SYNPO2: variants seen among roughly 807,000 people sequenced by gnomAD.
The protein encoded by SYNPO2 is synaptopodin-2.
SYNPO2 carries 56 observed loss-of-function variants against 85.0 expected under a neutral mutation model. The ratio of observed to expected loss-of-function variants is 0.66; its 90% CI spans 0.53 to 0.82. The LOEUF (loss-of-function observed/expected upper bound fraction) is 0.82. Among genes scored for constraint, SYNPO2 ranks in the 40% least tolerant of loss-of-function variants. The probability of loss-of-function intolerance (pLI) is 0.00; values close to 1 mark genes in which losing one functional copy is unlikely to be tolerated. For missense variants in SYNPO2, 1,575 were observed against 1,534.2 expected (o/e 1.03, Z -0.44); for synonymous variants, 602 against 591.1 (o/e 1.02, Z -0.27).
At chr4:119,001,824 A>T (rs1406062712) in intron 1 of SYNPO2, among the ~76,000 whole-genome samples, 1 of 151,202 alleles carries the variant, frequency 6.6e-6, no homozygotes, top group Non-Finnish European at 1.5e-5. Flanking sequence ...TTTTCTTCTT[A>T]TTTCTAAAAT....
chr4:118,877,667 AC>A (rs1731953942), intron 1 of SYNPO2, among the ~76,000 whole-genome samples: 2 of 152,202 alleles, frequency 1.3e-5, no homozygotes, highest in East Asian at 3.8e-4. Flanking sequence ...ACTATCTCAC[AC>A]CAGTCAGAAT....
chr4:118,860,068 G>A (rs1731582340), intron 1 of SYNPO2, among the ~76,000 whole-genome samples: 1 of 152,056 alleles, frequency 6.6e-6, no homozygotes, highest in African/African-American at 2.4e-5. Context: ...CCATATCCTT[G>A]TCAGCATTTG....
intron 1 of SYNPO2, among the ~76,000 whole-genome samples, chr4:118,996,856 C>CA (rs34947994): frequency 0.033 from 2,398 of 71,710 alleles, 45 homozygotes; most frequent in African/African-American, 0.064. Flanking sequence ...GACTCTGTCT[C>CA]AAAAAAAAAA....
rs1282457462 is a variant in SYNPO2, at chr4:119,031,113, T to A, written c.2338T>A (p.Trp780Arg). 1.2e-6 allele frequency: 2 copies of A among 1,614,104 alleles called. No homozygotes were observed. The highest frequency in any genetic ancestry group is 1.7e-6 in the Non-Finnish European group (2 of 1,180,020). ...ACCAGTAACTCCAGTTTCCCCAGTC[T>A]GGTCTCCAGGAGTGGCTCCCACCCA... is the stretch of plus-strand genomic sequence containing the variant. ...SQPVTPVSPV[W>R]SPGVAPTQPP... Residue 780 changes from tryptophan to arginine, a missense_variant, in exon 4 of 5, where the codon TGG becomes AGG. This residue lies in a region of SYNPO2 where 1,508 missense variants were observed against 1,446.8 expected (regional missense o/e 1.04). Transcript: ENST00000307142.
At chr4:118,936,186 T>A (rs1289206765) in intron 1 of SYNPO2, among the ~76,000 whole-genome samples, 1 of 152,214 alleles carries the variant, frequency 6.6e-6, no homozygotes, top group Non-Finnish European at 1.5e-5. Flanking sequence ...CTTTGCCATA[T>A]AACGTAGGTG....
intron 1 of SYNPO2, among the ~76,000 whole-genome samples, chr4:118,945,383 C>T (rs924602925): frequency 1.3e-5 from 2 of 152,160 alleles, no homozygotes; most frequent in East Asian, 1.9e-4. Flanking sequence ...TAACCCTTTG[C>T]AAATGCCCCC....
intron 1 of SYNPO2, among the ~76,000 whole-genome samples, chr4:119,022,756 T>TA: frequency 2.8e-5 from 4 of 145,136 alleles, no homozygotes; most frequent in Non-Finnish European, 4.5e-5. Flanking sequence ...TATTTTATTT[T>TA]ATTTTATATT....
chr4:118,964,420 G>C (rs1053686551), intron 1 of SYNPO2, among the ~76,000 whole-genome samples: 5 of 151,882 alleles, frequency 3.3e-5, no homozygotes, highest in African/African-American at 7.3e-5. Flanking sequence ...AGCCTGGGAG[G>C]TAGAGGCTGC....
At chr4:119,003,722 A>G (rs1345774999) in intron 1 of SYNPO2, among the ~76,000 whole-genome samples, 2 of 152,010 alleles carry the variant, frequency 1.3e-5, no homozygotes, top group African/African-American at 4.8e-5. Flanking sequence ...TTTCCTTTAG[A>G]TTAGAACTGA....
At chr4:118,927,226 T>G (rs1235747237) in intron 1 of SYNPO2, among the ~76,000 whole-genome samples, 1 of 152,168 alleles carries the variant, frequency 6.6e-6, no homozygotes, top group African/African-American at 2.4e-5. Flanking sequence ...AGAGGCAAGA[T>G]GAAATTTCTG....
intron 1 of SYNPO2, among the ~76,000 whole-genome samples, chr4:118,956,326 G>A (rs1734873544): frequency 6.6e-6 from 1 of 152,168 alleles, no homozygotes; most frequent in African/African-American, 2.4e-5. Context: ...GATAGCATAA[G>A]CTTCATGGGT....
Position 119,027,069 on chromosome 4 carries a change from T to G in SYNPO2, c.700T>G (p.Ser234Ala), listed in dbSNP as rs1737990906. The G allele has an allele frequency of 6.2e-7, 1 of 1,614,078 alleles. No homozygotes were observed. The highest frequency in any genetic ancestry group is 1.1e-5 in the South Asian group (1 of 91,070). ...GTCTCCTGACCCAGACCCTAACTTG[T>G]CACATGACAGGATTGTCCACATAAA... ...SKSPDPDPNL[S>A]HDRIVHINSI... is the part of the protein sequence containing the mutation. The change falls in exon 3 of 5, where the codon TCA becomes GCA. Residue 234 changes from serine to alanine, a missense_variant. Physicochemically the swap from Ser to Ala is moderately conservative, Grantham distance 99. This residue lies in a region of SYNPO2 where 1,508 missense variants were observed against 1,446.8 expected (regional missense o/e 1.04). Coordinates refer to ENST00000307142, the MANE Select transcript of SYNPO2 (RefSeq NM_133477.3).
At chr4:119,016,371 T>A (rs1441903823) in intron 1 of SYNPO2, among the ~76,000 whole-genome samples, 2 of 150,522 alleles carry the variant, frequency 1.3e-5, no homozygotes, top group Non-Finnish European at 2.9e-5. Flanking sequence ...GAGCAGAGAT[T>A]GTGCCATTGC....
intron 1 of SYNPO2, among the ~76,000 whole-genome samples, chr4:119,008,356 GTGAATGAATGAATACCTTCAAAAC>G (rs1737159368): frequency 6.6e-6 from 1 of 151,978 alleles, no homozygotes; most frequent in African/African-American, 2.4e-5. Context: ...TCAGTACTAA[GTGAATGAATGAATACCTTCAAAAC>G]TGAGGTGAAA....
At chr4:118,923,037 T>C (rs1264092159) in intron 1 of SYNPO2, among the ~76,000 whole-genome samples, 3 of 152,180 alleles carry the variant, frequency 2.0e-5, no homozygotes, top group Admixed American at 1.3e-4. Context: ...AAAGGAACTG[T>C]GGTTTCTTGC....
chr4:118,929,842 C>T (rs964981860), intron 1 of SYNPO2, among the ~76,000 whole-genome samples: 5 of 152,182 alleles, frequency 3.3e-5, no homozygotes, highest in Middle Eastern at 3.4e-3. Flanking sequence ...TGGATGCATA[C>T]ATTTGGTTTC....
intron 4 of SYNPO2, chr4:119,032,426 G>A (rs1008917239): frequency 4.8e-5 from 53 of 1,114,320 alleles, no homozygotes; most frequent in Non-Finnish European, 5.5e-5. Context: ...TATGGTGAAA[G>A]GTTCAAATGT....
chr4:118,985,406 T>C (rs2149165068), intron 1 of SYNPO2, among the ~76,000 whole-genome samples: 1 of 152,350 alleles, frequency 6.6e-6, no homozygotes, highest in Non-Finnish European at 1.5e-5. Flanking sequence ...GGAAGCTGTC[T>C]GGTGCTGGCA....
intron 4 of SYNPO2, chr4:119,038,176 T>A (rs551413356): frequency 1.0e-6 from 1 of 985,412 alleles, no homozygotes; most frequent in East Asian, 1.1e-4. Flanking sequence ...TTTCACTCCC[T>A]GAGACTGCTT....
Sources: gnomAD v4.1 joint callset for allele counts (sites outside exome capture counted in the v4.1 genomes callset) on GRCh38, gnomAD v4.1.1 for gene constraint, gnomAD v4.1.1 regional missense constraint, MANE v1.5 for transcripts, NCBI Gene and HGNC (gene_info 2026-07-23, HGNC 2026-07-21) for gene names.